The following KLHL29 variants were observed in gnomAD, a reference collection of about 807,000 sequenced individuals.
The protein encoded by KLHL29 is kelch-like protein 29.
Under a neutral mutation model 80.4 loss-of-function variants are expected in KLHL29, and 21 were observed. The observed-to-expected ratio is 0.26, with a 90% CI of 0.19 to 0.38. KLHL29 has a LOEUF of 0.38. KLHL29 is among the 10% of genes least tolerant of loss of function. The pLI is 1.00. For missense variants in KLHL29, 867 were observed against 1,223.9 expected, an observed-to-expected ratio of 0.71 and a Z score of 4.35; for synonymous variants, 511 against 526.8, an observed-to-expected ratio of 0.97 and a Z score of 0.41.
Position 23,563,157 on chromosome 2 carries a change from G to C in KLHL29, c.285+676G>C, listed in dbSNP as rs61561254. Among the ~76,000 whole-genome samples, 491 of 152,374 alleles carry C rather than the reference G, an allele frequency of 3.2e-3. 2 individuals carry two copies. The highest frequency in any genetic ancestry group is 0.011 in the African/African-American group (454 of 41,588). On this transcript the variant is annotated intron_variant, in intron 3 of 13. Transcript: ENST00000486442. The stretch of plus-strand genomic sequence containing the variant: ...CGCCAGGTCATTCCCGTTTCTTTCA[G>C]AAGAGGTGGCTCCAGCCTTGGGAAT...
chr2:23,693,277 C>G lies in KLHL29; in HGVS notation c.1291C>G (p.Leu431Val), dbSNP rs1671738973. ...TGCGCTGTCGCCCCCAGAGAAGCAGCTGACGGCCAGCAACTGCCTGGGCGT... is the reference window on the plus strand; with the variant it reads ...TGCGCTGTCGCCCCCAGAGAAGCAGGTGACGGCCAGCAACTGCCTGGGCGT... ...KVCVSFLEKQ[L>V]TASNCLGVLA... The change falls in exon 8 of 14, where the codon CTG becomes GTG. Residue 431 changes from leucine (L) to valine (V), a missense_variant. Around this residue, in one of 2 missense-constraint regions of KLHL29, gnomAD observed 443 missense variants for 767.0 expected, o/e 0.58. Coordinates refer to ENST00000486442, the MANE Select transcript of KLHL29 (RefSeq NM_052920.2). 17 of 1,542,084 alleles carry G rather than the reference C, an allele frequency of 1.1e-5. 1 individual carries two copies. Among genetic ancestry groups the G allele is most frequent in the Non-Finnish European group, 1.4e-5 (16 of 1,140,796 alleles).
At chr2:23,497,048 C>A (rs976047429) in intron 2 of KLHL29, among the ~76,000 whole-genome samples, 2 of 147,110 alleles carry the variant, frequency 1.4e-5, no homozygotes, top group African/African-American at 2.5e-5. Flanking sequence ...TCACGAGTTT[C>A]TCCTAGGGTA....
At chr2:23,450,175 G>T (rs865855701) in intron 1 of KLHL29, among the ~76,000 whole-genome samples, 7 of 152,062 alleles carry the variant, frequency 4.6e-5, no homozygotes, top group Non-Finnish European at 7.4e-5. Context: ...TCATCATGAC[G>T]GCAGCACCGG....
chr2:23,499,774 C>T (rs569897017), intron 2 of KLHL29, among the ~76,000 whole-genome samples: 16 of 152,306 alleles, frequency 1.1e-4, no homozygotes, highest in African/African-American at 2.4e-4. Context: ...AGGAGTGGGG[C>T]GGAACAGCGC....
chr2:23,394,183 A>G (rs1666391995), intron 1 of KLHL29, among the ~76,000 whole-genome samples: 1 of 152,228 alleles, frequency 6.6e-6, no homozygotes, highest in African/African-American at 2.4e-5. Context: ...ATTAAAAACA[A>G]AAAACAAAAA....
intron 3 of KLHL29, among the ~76,000 whole-genome samples, chr2:23,616,157 A>G (rs1177770705): frequency 2.6e-5 from 4 of 152,142 alleles, no homozygotes; most frequent in Non-Finnish European, 5.9e-5. Flanking sequence ...CAGCCTGACC[A>G]TGAGGTTACA....
At chr2:23,671,635 C>T (rs1670766510) in intron 5 of KLHL29, among the ~76,000 whole-genome samples, 1 of 152,172 alleles carries the variant, frequency 6.6e-6, no homozygotes, top group Admixed American at 6.5e-5. Context: ...AGGCTGCTCA[C>T]TCGGCCTTTT....
At chr2:23,574,398 T>A (rs1000211433) in intron 3 of KLHL29, among the ~76,000 whole-genome samples, 7 of 152,182 alleles carry the variant, frequency 4.6e-5, no homozygotes, top group Non-Finnish European at 1.0e-4. Flanking sequence ...GACTGTTTCC[T>A]TATCTACAAG....
intron 5 of KLHL29, among the ~76,000 whole-genome samples, chr2:23,653,450 A>G (rs1670141464): frequency 6.6e-6 from 1 of 152,200 alleles, no homozygotes; most frequent in South Asian, 2.1e-4. Flanking sequence ...AAGCTTGCCC[A>G]TGTGGTGCAC....
chr2:23,524,374 T>G, intron 2 of KLHL29: 1 of 174,476 alleles, frequency 5.7e-6, no homozygotes, highest in Non-Finnish European at 1.2e-5. Context: ...GGAAATACCT[T>G]TAGGTCCTGC....
chr2:23,461,424 C>T (rs1288598778), intron 1 of KLHL29, among the ~76,000 whole-genome samples: 1 of 152,224 alleles, frequency 6.6e-6, no homozygotes, highest in Non-Finnish European at 1.5e-5. Context: ...TGCAGCTGCT[C>T]TAAAAATTCT....
At chr2:23,416,483 T>G (rs576795717) in intron 1 of KLHL29, among the ~76,000 whole-genome samples, 1 of 152,348 alleles carries the variant, frequency 6.6e-6, no homozygotes, top group East Asian at 1.9e-4. Context: ...GAACCGGGAC[T>G]CAAGTCCAGG....
intron 2 of KLHL29, among the ~76,000 whole-genome samples, chr2:23,548,740 G>A (rs1257224650): frequency 1.3e-5 from 2 of 152,226 alleles, no homozygotes; most frequent in Non-Finnish European, 2.9e-5. Context: ...AGCCATTGAG[G>A]TTTTGGGGAC....
chr2:23,404,870 G>T (rs963501390), intron 1 of KLHL29, among the ~76,000 whole-genome samples: 4 of 152,074 alleles, frequency 2.6e-5, no homozygotes, highest in South Asian at 4.2e-4. Flanking sequence ...GTATATTGTC[G>T]ACCCCATCCA....
At chr2:23,515,697 G>A (rs543602959) in intron 2 of KLHL29, among the ~76,000 whole-genome samples, 14 of 152,336 alleles carry the variant, frequency 9.2e-5, no homozygotes, top group South Asian at 2.1e-4. Flanking sequence ...GAACTGGCAC[G>A]AATGCTCAAA....
chr2:23,634,132 C>T (rs377193823), intron 3 of KLHL29, among the ~76,000 whole-genome samples: 15 of 152,194 alleles, frequency 9.9e-5, no homozygotes, highest in Admixed American at 7.8e-4. Context: ...GCCTGGTACA[C>T]GGTGGTGCCC....
intron 3 of KLHL29, among the ~76,000 whole-genome samples, chr2:23,597,395 ATATATATATATATTTT>A (rs1668446297): frequency 2.2e-5 from 2 of 89,308 alleles, no homozygotes; most frequent in Non-Finnish European, 4.1e-5. Context: ...ATATATATAT[ATATATATATATATTTT>A]TTTTTTTTTT....
chr2:23,412,130 G>C (rs544537535), intron 1 of KLHL29, among the ~76,000 whole-genome samples: 6 of 134,372 alleles, frequency 4.5e-5, no homozygotes, highest in Non-Finnish European at 9.3e-5. Context: ...GAAGGGGGGG[G>C]GGGGGCGGTG....
chr2:23,589,463 G>T, intron 3 of KLHL29, among the ~76,000 whole-genome samples: 1 of 152,302 alleles, frequency 6.6e-6, no homozygotes, highest in Middle Eastern at 3.4e-3. Context: ...GGGTTATCCC[G>T]GAATCCCGCC....
Sources: gnomAD v4.1 joint callset for allele counts (sites outside exome capture counted in the v4.1 genomes callset) on GRCh38, gnomAD v4.1.1 for gene constraint, gnomAD v4.1.1 regional missense constraint, MANE v1.5 for transcripts, NCBI Gene and HGNC (gene_info 2026-07-23, HGNC 2026-07-21) for gene names.